UTP20: variants seen among roughly 807,000 people sequenced by gnomAD.
UTP20 encodes the protein UTP20 small subunit processome component, also known as small subunit processome component 20 homolog.
UTP20 carries 164 observed loss-of-function variants against 329.5 expected under a neutral mutation model. The ratio of observed to expected loss-of-function variants is 0.50; its 90% CI spans 0.44 to 0.57. The LOEUF (loss-of-function observed/expected upper bound fraction) is 0.57, where lower values mean the gene tolerates loss of function less well. Ranked by LOEUF, UTP20 falls within the 20% of genes least tolerant of loss-of-function variation. The pLI, the probability that UTP20 is intolerant of heterozygous loss-of-function variation, is 0.00. For missense variants in UTP20, 3,055 were observed against 3,284.2 expected (o/e 0.93, Z 1.71); for synonymous variants, 1,151 against 1,159.3 (o/e 0.99, Z 0.14).
At chr12:101,361,672 T>TAAAAAA (rs757885584) in intron 43 of UTP20, among the ~76,000 whole-genome samples, 7 of 94,178 alleles carry the variant, frequency 7.4e-5, no homozygotes, top group African/African-American at 1.1e-4. Context: ...AATAAATAAA[T>TAAAAAA]AAATAAAGTT....
chr12:101,311,632 A>G, intron 19 of UTP20, 87 bp from the exon 20 acceptor site: 1 of 1,191,142 alleles, frequency 8.4e-7, no homozygotes, highest in Non-Finnish European at 1.2e-6. Flanking sequence ...TTTTAGTTAT[A>G]TCCTTTCACT....
intron 35 of UTP20, among the ~76,000 whole-genome samples, chr12:101,344,113 T>C (rs1231819990): frequency 6.6e-6 from 1 of 152,212 alleles, no homozygotes; most frequent in Non-Finnish European, 1.5e-5. Context: ...CTCCCTGTTT[T>C]ATACTCATTC....
chr12:101,313,328 G>A (rs1281451108), intron 21 of UTP20, among the ~76,000 whole-genome samples: 3 of 152,146 alleles, frequency 2.0e-5, no homozygotes, highest in Non-Finnish European at 2.9e-5. Flanking sequence ...ATCCAGGGAG[G>A]ACATGGTTGG....
At chr12:101,358,867 A>C (rs1593447751) in intron 43 of UTP20, among the ~76,000 whole-genome samples, 1 of 152,072 alleles carries the variant, frequency 6.6e-6, no homozygotes, top group East Asian at 1.9e-4. Flanking sequence ...TACCTTTCTG[A>C]TGAGTTATTC....
rs75616365 is a variant in UTP20 at position 101,285,994 on chromosome 12, G to A, written c.326+113G>A. The stretch of plus-strand genomic sequence containing the variant: ...CAGGTGCTCATAATTTAGAAACAAG[G>A]AGGATTTTCCTTTTCTGTTAGGAAT... On this transcript the variant is annotated intron_variant, in intron 4 of 61. Transcript: ENST00000261637. 8.0e-3 allele frequency: 11,582 copies of A among 1,440,370 alleles called. 141 individuals are homozygous for A. The highest frequency in any genetic ancestry group is 0.053 in the African/African-American group (3,742 of 70,120). 89.2% of individuals were successfully genotyped at this position (1,440,370 alleles called of 1,614,324 possible). A position where few individuals can be genotyped will look rare whatever the true frequency, so the allele number is the denominator to read the frequency against.
chr12:101,357,014 G>A lies in UTP20; in HGVS notation c.5623G>A (p.Asp1875Asn). 1 of 1,613,988 alleles carries A rather than the reference G, an allele frequency of 6.2e-7. No individual in the cohort carries two copies. The highest frequency in any genetic ancestry group is 2.2e-5 in the East Asian group (1 of 44,854). Residue 1875 changes from aspartate to asparagine, a missense_variant, in exon 43 of 62, where the codon GAT (aspartate) becomes AAT (asparagine). Asp to Asn is a conservative substitution (Grantham distance 23, BLOSUM62 1). Coordinates refer to ENST00000261637, the MANE Select transcript of UTP20 (RefSeq NM_014503.3). ...CAGCACTCTTGCGAAAATAATAGAGGATCTTGGTGTGCACTTCCTCCTATA... is the reference window on the plus strand; with the variant it reads ...CAGCACTCTTGCGAAAATAATAGAGAATCTTGGTGTGCACTTCCTCCTATA... ...ARSTLAKIIE[D>N]LGVHFLLYVL...
chr12:101,354,261 CAAAAAAAA>C lies in UTP20; in HGVS notation c.5108-555_5108-548del, dbSNP rs71091489. ...TGGGTGACACGGCAAGACTCTGTCT[CAAAAAAAA>C]AAAAAAAAAAAAAAAGAAAAGAAAT... On this transcript the variant is annotated intron_variant, in intron 40 of 61. Coordinates refer to ENST00000261637, the MANE Select transcript of UTP20 (RefSeq NM_014503.3). Among the ~76,000 whole-genome samples the C allele has an allele frequency of 6.3e-5, 5 of 79,994 alleles. No homozygotes were observed. The East Asian group carries it at 1.5e-3, about 24-fold the overall frequency. 52.5% of individuals were successfully genotyped at this position (79,994 alleles called of 152,430 possible).
intron 12 of UTP20, among the ~76,000 whole-genome samples, chr12:101,296,439 C>T (rs7296572): frequency 0.18 from 26,965 of 151,956 alleles, 2,903 homozygotes; most frequent in East Asian, 0.36. Flanking sequence ...GGCGTGGTGG[C>T]GGACGCCTGT....
At chr12:101,294,893 T>C (rs1251725202) in intron 11 of UTP20, among the ~76,000 whole-genome samples, 1 of 152,214 alleles carries the variant, frequency 6.6e-6, no homozygotes, top group African/African-American at 2.4e-5. Flanking sequence ...AACTGGAAAT[T>C]GTTTTCTTTG....
intron 4 of UTP20, 30 bp from the exon 5 acceptor site, chr12:101,286,291 C>A: frequency 6.5e-7 from 1 of 1,527,940 alleles, no homozygotes; most frequent in South Asian, 1.4e-5. Flanking sequence ...AAAAAATCCA[C>A]ATGATCAGTT....
At chr12:101,296,665 G>A (rs945926616) in intron 12 of UTP20, among the ~76,000 whole-genome samples, 3 of 151,992 alleles carry the variant, frequency 2.0e-5, no homozygotes, top group Admixed American at 6.5e-5. Context: ...GGAGAATGGC[G>A]TGAACCCAGG....
chr12:101,288,773 G>T (rs1375072377), intron 5 of UTP20, among the ~76,000 whole-genome samples, 187 bp from the exon 6 acceptor site: 1 of 152,162 alleles, frequency 6.6e-6, no homozygotes, highest in Non-Finnish European at 1.5e-5. Flanking sequence ...GACTCTTCAT[G>T]TCTGTGGTCA....
At chr12:101,379,667 A>C in intron 57 of UTP20, 109 bp downstream of exon 57, 1 of 1,211,984 alleles carries the variant, frequency 8.3e-7, no homozygotes, top group East Asian at 2.4e-5. Context: ...CCAACCAACA[A>C]TTTGTTGTAC....
chr12:101,368,006 G>A lies in UTP20; in HGVS notation c.6384+30G>A, dbSNP rs201056451. On this transcript the variant is annotated intron_variant, in intron 48 of 61. Transcript: ENST00000261637. Reference sequence around the variant, plus strand: ...GCATCGGTTTGCACTCTGCATTGGAGCATTTATTTCTTCAGAAGAACTATG... The same window carrying A: ...GCATCGGTTTGCACTCTGCATTGGAACATTTATTTCTTCAGAAGAACTATG... 3.3e-5 allele frequency: 48 copies of A among 1,438,390 alleles called. 1 individual carries two copies. The Admixed American group carries it at 7.9e-4, about 24-fold the overall frequency. 89.1% of individuals were successfully genotyped at this position (1,438,390 alleles called of 1,614,324 possible). A position where few individuals can be genotyped will look rare whatever the true frequency, so the allele number is the denominator to read the frequency against.
At chr12:101,288,805 G>A (rs1593417294) in intron 5 of UTP20, among the ~76,000 whole-genome samples, 155 bp from the exon 6 acceptor site, 1 of 152,138 alleles carries the variant, frequency 6.6e-6, no homozygotes, top group Non-Finnish European at 1.5e-5. Flanking sequence ...CAACATGTGG[G>A]TGTCTCCATA....
rs1281942323 is a variant in UTP20, at chr12:101,292,006, A to T, written c.1075A>T (p.Thr359Ser). ...SQTLQVASLS[T>S]SCWETLLDVI... ...AACACTGCAAGTAGCCAGTCTCTCC[A>T]CATCTTGCTGGGAGACCCTCTTGGA... The change falls in exon 10 of 62, where the codon ACA (threonine) becomes TCA (serine). Residue 359 changes from threonine (T) to serine (S), a missense_variant. This residue lies in a region of UTP20 where 2,445 missense variants were observed against 2,575.5 expected (regional missense o/e 0.95). Transcript: ENST00000261637. The T allele has an allele frequency of 1.2e-6, 2 of 1,614,146 alleles. No homozygotes were observed. Among genetic ancestry groups the T allele is most frequent in the Admixed American group, 3.3e-5 (2 of 60,016 alleles).
intron 25 of UTP20, among the ~76,000 whole-genome samples, chr12:101,324,149 A>T (rs999646334): frequency 9.3e-6 from 1 of 108,076 alleles, no homozygotes; most frequent in African/African-American, 2.8e-5. Flanking sequence ...AAAAATAAAA[A>T]AATAAATAAA....
At position 101,357,004 on chromosome 12, in the gene UTP20, A is replaced by C. The variant is rs1198366616; in HGVS notation, c.5613A>C (p.Lys1871Asn). Reference sequence around the variant, plus strand: ...ACATTGCACGCAGCACTCTTGCGAAAATAATAGAGGATCTTGGTGTGCACT... The same window carrying C: ...ACATTGCACGCAGCACTCTTGCGAACATAATAGAGGATCTTGGTGTGCACT... ...IRDIARSTLA[K>N]IIEDLGVHFL... Residue 1871 changes from lysine (K) to asparagine (N), a missense_variant, in exon 43 of 62, where the codon AAA becomes AAC. Coordinates refer to ENST00000261637, the MANE Select transcript of UTP20 (RefSeq NM_014503.3). 2.5e-6 allele frequency: 4 copies of C among 1,614,130 alleles called. No homozygotes were observed. Among genetic ancestry groups the C allele is most frequent in the Non-Finnish European group, 3.4e-6 (4 of 1,179,988 alleles).
chr12:101,382,949 G>T, intron 58 of UTP20, 92 bp from the exon 59 acceptor site: 5 of 1,439,234 alleles, frequency 3.5e-6, no homozygotes, highest in Non-Finnish European at 3.7e-6. Flanking sequence ...TTTTCTAATT[G>T]TAGAATACCT....
Sources: gnomAD v4.1 joint callset for allele counts (sites outside exome capture counted in the v4.1 genomes callset) on GRCh38, gnomAD v4.1.1 for gene constraint, gnomAD v4.1.1 regional missense constraint, MANE v1.5 for transcripts, NCBI Gene and HGNC (gene_info 2026-07-23, HGNC 2026-07-21) for gene names.